PDE1C: variants seen among roughly 807,000 people sequenced by gnomAD.
PDE1C encodes dual specificity calcium/calmodulin-dependent 3',5'-cyclic nucleotide phosphodiesterase 1C.
In PDE1C, 62 loss-of-function variants were observed where a neutral mutation model predicts 93.1. The observed-to-expected ratio is 0.67, with a 90% CI of 0.54 to 0.82. The LOEUF (loss-of-function observed/expected upper bound fraction) is 0.82, where lower values mean the gene tolerates loss of function less well. PDE1C is among the 40% of genes least tolerant of loss of function. PDE1C has a pLI of 0.00. For synonymous variants in PDE1C, 325 were observed against 310.1 expected (o/e 1.05, Z -0.50); for missense variants, 742 against 884.6 (o/e 0.84, Z 2.04).
the PDE1C span, among the ~76,000 whole-genome samples, chr7:31,721,983 G>A: frequency 3.3e-5 from 5 of 152,166 alleles, no homozygotes; most frequent in Non-Finnish European, 5.9e-5. Flanking sequence ...CTTAAACAGA[G>A]ATTAAGTATA....
At chr7:32,226,670 G>C (rs1201438584) in intron 1 of PDE1C, among the ~76,000 whole-genome samples, 3 of 152,218 alleles carry the variant, frequency 2.0e-5, no homozygotes, top group African/African-American at 7.2e-5. Context: ...CTGAGGCAGA[G>C]TGTGATGGTT....
At chr7:31,869,771 T>G (rs754531219) in intron 6 of PDE1C, among the ~76,000 whole-genome samples, 1 of 152,082 alleles carries the variant, frequency 6.6e-6, no homozygotes, top group African/African-American at 2.4e-5. Context: ...ATGGACCTAA[T>G]AGACACTTAC....
At chr7:32,207,366 A>C (rs1399473036) in intron 2 of PDE1C, among the ~76,000 whole-genome samples, 2 of 150,978 alleles carry the variant, frequency 1.3e-5, no homozygotes, top group Non-Finnish European at 2.9e-5. Flanking sequence ...AAAAAAAAAA[A>C]AAAAAACTTA....
chr7:32,363,896 A>G (rs191930863), intron 1 of PDE1C, among the ~76,000 whole-genome samples: 8 of 152,330 alleles, frequency 5.3e-5, no homozygotes, highest in African/African-American at 1.7e-4. Flanking sequence ...GATTTGTTTT[A>G]TGTGTTTTAC....
intron 2 of PDE1C, among the ~76,000 whole-genome samples, chr7:32,031,754 T>C (rs1790350859): frequency 6.6e-6 from 1 of 152,074 alleles, no homozygotes; most frequent in South Asian, 2.1e-4. Flanking sequence ...GCTGGACACA[T>C]GTGAATGTGA....
At chr7:31,983,742 G>A (rs1189177958) in intron 2 of PDE1C, among the ~76,000 whole-genome samples, 6 of 152,150 alleles carry the variant, frequency 3.9e-5, no homozygotes, top group Admixed American at 1.3e-4. Flanking sequence ...CATGCAACAT[G>A]AGCATTAACT....
intron 2 of PDE1C, among the ~76,000 whole-genome samples, chr7:31,899,132 CTTTTTTTT>C (rs386409838): frequency 1.2e-5 from 1 of 85,018 alleles, no homozygotes; most frequent in African/African-American, 4.3e-5. Flanking sequence ...GGCAGTCCCA[CTTTTTTTT>C]TTTTTTTTTT....
Position 32,226,515 on chromosome 7 carries a change from C to A in PDE1C, c.86-16976G>T, listed in dbSNP as rs145680056. ...TTAGTATAATGAGGAGAAATGCAACCAGTAAGAAGATGAAGCGGGCCTGGG... is the reference window on the plus strand; with the variant it reads ...TTAGTATAATGAGGAGAAATGCAACAAGTAAGAAGATGAAGCGGGCCTGGG... On this transcript the variant is annotated intron_variant, in intron 1 of 18. Transcript: ENST00000396193. Among the ~76,000 whole-genome samples, 1,417 of 152,190 alleles carry A rather than the reference C, an allele frequency of 9.3e-3. 24 individuals carry two copies. The highest frequency in any genetic ancestry group is 0.032 in the African/African-American group (1,338 of 41,508).
intron 2 of PDE1C, among the ~76,000 whole-genome samples, chr7:32,179,559 C>G (rs1446778455): frequency 6.6e-6 from 1 of 152,118 alleles, no homozygotes; most frequent in Admixed American, 6.6e-5. Flanking sequence ...GTCTTGCATG[C>G]AGCAGTTTGC....
chr7:32,303,566 T>C (rs1812926935), upstream of PDE1C, among the ~76,000 whole-genome samples: 1 of 152,172 alleles, frequency 6.6e-6, no homozygotes, highest in Non-Finnish European at 1.5e-5. Flanking sequence ...CCTTATTGCT[T>C]CCCTATAGTC....
chr7:31,934,858 A>G (rs1363483534), intron 2 of PDE1C, among the ~76,000 whole-genome samples: 4 of 152,164 alleles, frequency 2.6e-5, no homozygotes, highest in Admixed American at 2.0e-4. Context: ...ATGAAAATAT[A>G]GTTCTACAAA....
chr7:32,087,985 A>C (rs1389068402), intron 3 of PDE1C, among the ~76,000 whole-genome samples: 1 of 151,572 alleles, frequency 6.6e-6, no homozygotes, highest in Non-Finnish European at 1.5e-5. Flanking sequence ...CATGTACCCT[A>C]AAACTTAAAG....
intron 2 of PDE1C, among the ~76,000 whole-genome samples, chr7:31,891,805 TACAC>T (rs70989620): frequency 0.21 from 31,092 of 145,940 alleles, 3,539 homozygotes; most frequent in East Asian, 0.34. Flanking sequence ...AATGCATTCA[TACAC>T]ACACACACAC....
intron 1 of PDE1C, among the ~76,000 whole-genome samples, chr7:32,229,635 C>T (rs1235506567): frequency 1.3e-5 from 2 of 152,140 alleles, no homozygotes; most frequent in African/African-American, 4.8e-5. Flanking sequence ...CTAGACCATC[C>T]CAGCTGGAAA....
chr7:32,160,120 G>A (rs955249063), intron 3 of PDE1C, among the ~76,000 whole-genome samples: 1 of 152,104 alleles, frequency 6.6e-6, no homozygotes, highest in African/African-American at 2.4e-5. Flanking sequence ...AGGCGGGAAG[G>A]GGAGTCAGAT....
At chr7:32,363,677 A>G (rs1199122572) in intron 1 of PDE1C, among the ~76,000 whole-genome samples, 1 of 152,246 alleles carries the variant, frequency 6.6e-6, no homozygotes, top group Non-Finnish European at 1.5e-5. Context: ...GTACTTCTAA[A>G]GTGCTTAAAA....
chr7:32,238,791 G>A (rs1360148064), intron 1 of PDE1C, among the ~76,000 whole-genome samples: 1 of 152,204 alleles, frequency 6.6e-6, no homozygotes, highest in Non-Finnish European at 1.5e-5. Context: ...TGCTGGAACT[G>A]TTAGTTATCC....
chr7:32,148,507 TACTC>T (rs1249180810), intron 3 of PDE1C, among the ~76,000 whole-genome samples: 1 of 152,220 alleles, frequency 6.6e-6, no homozygotes, highest in Non-Finnish European at 1.5e-5. Context: ...TAGATTCACA[TACTC>T]AAGTTGTTCC....
rs546541308 is a variant in PDE1C, at chr7:31,985,825, G to A, written c.128+65729C>T. Among the ~76,000 whole-genome samples the A allele has an allele frequency of 3.2e-4, 48 of 152,252 alleles. 1 individual carries two copies. The highest frequency in any genetic ancestry group is 1.1e-3 in the African/African-American group (45 of 41,528). ...TTTCTTAATCCAGTCTATCATTGAT[G>A]GACATTTGGGTTGGTTCCAAGTCTT... On this transcript the variant is annotated intron_variant, in intron 2 of 17. Transcript: ENST00000396191.
Sources: gnomAD v4.1 joint callset for allele counts (sites outside exome capture counted in the v4.1 genomes callset) on GRCh38, gnomAD v4.1.1 for gene constraint, MANE v1.5 for transcripts, NCBI Gene and HGNC (gene_info 2026-07-23, HGNC 2026-07-21) for gene names.